ERBB4: variants seen among roughly 807,000 people sequenced by gnomAD.
The protein encoded by ERBB4 is erb-b2 receptor tyrosine kinase 4.
A neutral mutation model predicts 158.0 loss-of-function variants in ERBB4; 42 were observed. The ratio of observed to expected loss-of-function variants is 0.27; its 90% CI spans 0.21 to 0.34. ERBB4 has a LOEUF of 0.34. Among genes scored for constraint, ERBB4 ranks in the 10% least tolerant of loss-of-function variants. ERBB4 has a pLI of 1.00. For synonymous variants in ERBB4, 583 were observed against 558.7 expected (o/e 1.04, Z -0.61); for missense variants, 1,333 against 1,624.1 (o/e 0.82, Z 3.08).
chr2:211,677,536 C>T (rs2072127437), intron 13 of ERBB4, among the ~76,000 whole-genome samples: 1 of 149,252 alleles, frequency 6.7e-6, no homozygotes, highest in Admixed American at 6.8e-5. Flanking sequence ...GCACTCCAGC[C>T]TGGGCAACAG....
chr2:211,922,405 G>T (rs1379801475), intron 3 of ERBB4, among the ~76,000 whole-genome samples: 1 of 152,046 alleles, frequency 6.6e-6, no homozygotes, highest in African/African-American at 2.4e-5. Context: ...TAGGAAAAAA[G>T]TCCTAAGTAA....
At position 211,630,522 on chromosome 2, in the gene ERBB4, A is replaced by C. The variant is rs2070068912; in HGVS notation, c.2019T>G (p.Val673=). 2 of 1,613,540 alleles carry C rather than the reference A, an allele frequency of 1.2e-6. No individual in the cohort carries two copies. Among genetic ancestry groups the C allele is most frequent in the East Asian group, 4.5e-5 (2 of 44,852 alleles). The change falls in exon 17 of 28, where the codon GTT becomes GTG. Residue 673 remains valine (V), a synonymous_variant. Transcript: ENST00000342788. ...ILVIVGLTFA[V]YVRRKSIKKK... is the part of the protein sequence containing the mutation. ...TTTTGATGCTCTTCCTTCTAACATA[A>C]ACAGCAAATGTCAGACCCACAATGA...
chr2:211,430,969 T>C lies in ERBB4; in HGVS notation c.2619A>G (p.Lys873=), dbSNP rs747015469. ...GLARLLEGDE[K]EYNADGGKMP... ...CCTTTCCTCCATCAGCATTGTACTC[T>C]TTTTCATCTCCTTCCAAGAGTCTGG... The change falls in exon 21 of 28, where the codon AAA becomes AAG. Residue 873 remains lysine, a synonymous_variant. Coordinates refer to ENST00000342788, the MANE Select transcript of ERBB4 (RefSeq NM_005235.3). The C allele has an allele frequency of 6.2e-7, 1 of 1,613,680 alleles. No individual in the cohort carries two copies. The highest frequency in any genetic ancestry group is 1.3e-5 in the African/African-American group (1 of 75,042).
intron 5 of ERBB4, among the ~76,000 whole-genome samples, chr2:211,742,542 G>A (rs1008213286): frequency 3.3e-5 from 5 of 151,896 alleles, no homozygotes; most frequent in African/African-American, 1.2e-4. Flanking sequence ...ATGTATATAT[G>A]TATGACATTT....
At chr2:211,525,156 G>A (rs747042106) in intron 20 of ERBB4, among the ~76,000 whole-genome samples, 4 of 152,106 alleles carry the variant, frequency 2.6e-5, no homozygotes, top group African/African-American at 4.8e-5. Flanking sequence ...GCTGAGCTAC[G>A]TACTGAGCCA....
intron 3 of ERBB4, among the ~76,000 whole-genome samples, chr2:211,806,460 C>T (rs182782950): frequency 1.2e-4 from 19 of 152,154 alleles, no homozygotes; most frequent in African/African-American, 3.9e-4. Flanking sequence ...TTACCCTTCA[C>T]CATTTTTTTA....
chr2:212,397,277 C>A (rs531142167), intron 1 of ERBB4, among the ~76,000 whole-genome samples: 2 of 152,084 alleles, frequency 1.3e-5, no homozygotes, highest in South Asian at 2.1e-4. Context: ...GAGTTTGAGA[C>A]CAGCCTGGGC....
At chr2:211,554,794 G>T (rs1174887872) in intron 20 of ERBB4, among the ~76,000 whole-genome samples, 1 of 152,192 alleles carries the variant, frequency 6.6e-6, no homozygotes, top group Non-Finnish European at 1.5e-5. Context: ...AATCAGTCAT[G>T]ATTTTGTTGA....
At chr2:212,475,394 C>A (rs1199912028) in intron 1 of ERBB4, among the ~76,000 whole-genome samples, 1 of 152,150 alleles carries the variant, frequency 6.6e-6, no homozygotes, top group Non-Finnish European at 1.5e-5. Flanking sequence ...TATGTGTTAG[C>A]CTCTAATCAT....
At chr2:212,106,839 C>A (rs1310684690) in intron 2 of ERBB4, among the ~76,000 whole-genome samples, 1 of 152,220 alleles carries the variant, frequency 6.6e-6, no homozygotes, top group Non-Finnish European at 1.5e-5. Flanking sequence ...CAGGCCATGG[C>A]TTCAGAGGGT....
In ERBB4 at chr2:211,665,502, A is replaced by AG. The variant is rs1341448283; in HGVS notation, c.1717-26dup. 3 of 1,611,384 alleles carry AG rather than the reference A, an allele frequency of 1.9e-6. No homozygotes were observed. The African/African-American group carries it at 4.0e-5, about 22-fold the overall frequency. On this transcript the variant is annotated intron_variant, in intron 14 of 27. Transcript: ENST00000342788. ...CCTGAAATGTGAAAACGAAAAAAAA[A>AG]GAAAAAAGAAAAGTGGTGTCATTTC...
At chr2:211,627,495 G>A (rs762547906) in intron 17 of ERBB4, among the ~76,000 whole-genome samples, 1 of 152,222 alleles carries the variant, frequency 6.6e-6, no homozygotes, top group Non-Finnish European at 1.5e-5. Context: ...TTTCCTAGAA[G>A]CAGCTGTAAG....
chr2:212,370,814 A>G (rs2090058940), intron 1 of ERBB4, among the ~76,000 whole-genome samples: 2 of 152,172 alleles, frequency 1.3e-5, no homozygotes, highest in South Asian at 4.1e-4. Flanking sequence ...GTCAATAGCA[A>G]TAAATGATAA....
At chr2:212,040,613 G>C (rs1196135188) in intron 2 of ERBB4, among the ~76,000 whole-genome samples, 1 of 152,054 alleles carries the variant, frequency 6.6e-6, no homozygotes, top group East Asian at 1.9e-4. Context: ...TCTGCCAGTT[G>C]CCCTATATTC....
chr2:211,933,695 C>T (rs62184547), intron 3 of ERBB4, among the ~76,000 whole-genome samples: 35,177 of 151,854 alleles, frequency 0.23, 5,582 homozygotes, highest in Non-Finnish European at 0.35. Flanking sequence ...AACAGTAGGA[C>T]AAGAAAAACC....
At chr2:211,894,239 T>C (rs550357475) in intron 3 of ERBB4, among the ~76,000 whole-genome samples, 22 of 141,692 alleles carry the variant, frequency 1.6e-4, no homozygotes, top group Non-Finnish European at 2.4e-4. Flanking sequence ...CCATAAAAAA[T>C]GATGAGTTCG....
At chr2:212,242,771 G>T (rs1441179661) in intron 1 of ERBB4, among the ~76,000 whole-genome samples, 1 of 152,140 alleles carries the variant, frequency 6.6e-6, no homozygotes, top group Non-Finnish European at 1.5e-5. Context: ...TTGTTTTTTA[G>T]CATTTAAATT....
At chr2:211,723,136 CT>C (rs1220503654) in intron 6 of ERBB4, among the ~76,000 whole-genome samples, 4 of 152,094 alleles carry the variant, frequency 2.6e-5, no homozygotes, top group Non-Finnish European at 5.9e-5. Context: ...TCTAGTATGG[CT>C]TTTTTCCTAA....
intron 1 of ERBB4, among the ~76,000 whole-genome samples, chr2:212,295,659 T>C (rs973474193): frequency 5.9e-5 from 9 of 152,044 alleles, no homozygotes; most frequent in African/African-American, 2.2e-4. Context: ...ATTGTACCAG[T>C]TACTTAATAT....
Sources: allele counts gnomAD v4.1 joint callset (sites outside exome capture counted in the v4.1 genomes callset), GRCh38; gene constraint gnomAD v4.1.1; transcripts MANE v1.5; gene names NCBI Gene and HGNC (gene_info 2026-07-23, HGNC 2026-07-21).